MPZL1: variants seen among roughly 807,000 people sequenced by gnomAD.
MPZL1 encodes the protein myelin protein zero-like protein 1.
A neutral mutation model predicts 29.3 loss-of-function variants in MPZL1; 16 were observed. The ratio of observed to expected loss-of-function variants is 0.55; its 90% CI spans 0.37 to 0.83. The LOEUF (loss-of-function observed/expected upper bound fraction) is 0.83, where lower values mean the gene tolerates loss of function less well. Among genes scored for constraint, MPZL1 ranks in the 40% least tolerant of loss-of-function variants. MPZL1 has a pLI of 0.00. For missense variants in MPZL1, 279 were observed against 332.9 expected (o/e 0.84, Z 1.26); for synonymous variants, 143 against 132.0 (o/e 1.08, Z -0.57).
At chr1:167,762,787 T>C (rs1208450281) in intron 1 of MPZL1, among the ~76,000 whole-genome samples, 2 of 152,174 alleles carry the variant, frequency 1.3e-5, no homozygotes, top group African/African-American at 4.8e-5. Context: ...ATAAACAGAC[T>C]AGGGTTTTAG....
Position 167,787,124 on chromosome 1 carries a change from CT to C in MPZL1, c.709-693del, listed in dbSNP as rs1458712287. 4 of 152,120 alleles carry C rather than the reference CT, an allele frequency of 2.6e-5. No homozygotes were observed. The East Asian group carries it at 7.7e-4, about 29-fold the overall frequency. 9.4% of individuals were successfully genotyped at this position (152,120 alleles called of 1,614,324 possible). A position where few individuals can be genotyped will look rare whatever the true frequency, so the allele number is the denominator to read the frequency against. On this transcript the variant is annotated intron_variant, in intron 5 of 5. Coordinates refer to ENST00000359523, the MANE Select transcript of MPZL1 (RefSeq NM_003953.6). Reference sequence around the variant, plus strand: ...CTACTTTACTCCATTTAGGGTTTTTCTTTATATCTGTGTAGATTGTGGCTTT... The same window carrying C: ...CTACTTTACTCCATTTAGGGTTTTTCTTATATCTGTGTAGATTGTGGCTTT...
At chr1:167,733,042 C>G (rs1419690090) in intron 1 of MPZL1, among the ~76,000 whole-genome samples, 7 of 152,166 alleles carry the variant, frequency 4.6e-5, no homozygotes, top group Non-Finnish European at 1.0e-4. Context: ...TTGAAGGGTC[C>G]TGACTTTCTG....
In MPZL1 at chr1:167,791,204, C is replaced by G. The variant is rs1454575275; in HGVS notation, c.*3283C>G. On this transcript the variant is annotated 3_prime_UTR_variant, in exon 6 of 6. Coordinates refer to ENST00000359523, the MANE Select transcript of MPZL1 (RefSeq NM_003953.6). ...CATTAGAACATAGTTAACAAGAGAC[C>G]AGAACCTTGCTGTTTTGTTCACTGC... 1 of 152,212 alleles carries G rather than the reference C, an allele frequency of 6.6e-6. No homozygotes were observed. The highest frequency in any genetic ancestry group is 1.5e-5 in the Non-Finnish European group (1 of 68,070). 9.4% of individuals were successfully genotyped at this position (152,212 alleles called of 1,614,324 possible).
chr1:167,728,509 A>G (rs1002649089), intron 1 of MPZL1, among the ~76,000 whole-genome samples: 8 of 151,764 alleles, frequency 5.3e-5, no homozygotes, highest in Non-Finnish European at 8.8e-5. Context: ...TGCCCAACCT[A>G]TTCATTGTCT....
rs748059813 is a variant in MPZL1 at position 167,772,378 on chromosome 1, A to G, written c.362A>G (p.Asn121Ser). 6.2e-7 allele frequency: 1 copy of G among 1,613,994 alleles called. No homozygotes were observed. Among genetic ancestry groups the G allele is most frequent in the Non-Finnish European group, 8.5e-7 (1 of 1,179,858 alleles). Residue 121 changes from asparagine to serine, a missense_variant, in exon 3 of 6, where the codon AAC (asparagine) becomes AGC (serine). Physicochemically the swap from Asn to Ser is conservative, Grantham distance 46 (BLOSUM62 1). Transcript: ENST00000359523. Reference protein sequence around the residue: ...GDLDKKDASINIENMQFIHNG... With the variant: ...GDLDKKDASISIENMQFIHNG... The stretch of plus-strand genomic sequence containing the variant: ...CTTGACAAGAAAGATGCATCAATCA[A>G]CATAGAAAATATGCAGTTTATACAC...
In MPZL1 at chr1:167,738,811, G is replaced by A. The variant is rs184462959; in HGVS notation, c.91+16569G>A. 1.2e-3 allele frequency among the ~76,000 whole-genome samples: 189 copies of A among 152,234 alleles called. 1 individual carries two copies. The highest frequency in any genetic ancestry group is 2.1e-4 in the Non-Finnish European group (14 of 68,012). ...GTTTCCTGAGGCCTCCCCAGAAGCC[G>A]AGCAAATGCCAGCATCATGCTTCCT... is the stretch of plus-strand genomic sequence containing the variant. On this transcript the variant is annotated intron_variant, in intron 1 of 5. Coordinates refer to ENST00000359523, the MANE Select transcript of MPZL1 (RefSeq NM_003953.6).
In MPZL1 at chr1:167,730,022, A is replaced by G. The variant is rs539111395; in HGVS notation, c.91+7780A>G. 1.3e-4 allele frequency among the ~76,000 whole-genome samples: 20 copies of G among 152,290 alleles called. No individual in the cohort carries two copies. The East Asian group carries it at 3.9e-3, about 29-fold the overall frequency. ...AATTTTTTCTTCAAAGTCTCTAAAC[A>G]TTTTGGGGAAGATTCTGGAATGTCT... On this transcript the variant is annotated intron_variant, in intron 1 of 5. Transcript: ENST00000359523.
intron 1 of MPZL1, among the ~76,000 whole-genome samples, chr1:167,741,773 C>T (rs1220247624): frequency 6.6e-6 from 1 of 152,046 alleles, no homozygotes; most frequent in Non-Finnish European, 1.5e-5. Context: ...TGGCTCATGC[C>T]GATAATCCCA....
In MPZL1 at chr1:167,788,006, C is replaced by A; in HGVS notation, c.*85C>A. ...AAATGTAGCCCATTACCACATGTAG[C>A]CTTGGAGACCCAGGCAAGGACAAGT... On this transcript the variant is annotated 3_prime_UTR_variant, in exon 6 of 6. Transcript: ENST00000359523. The A allele has an allele frequency of 9.2e-7, 1 of 1,087,406 alleles. No homozygotes were observed. The highest frequency in any genetic ancestry group is 1.4e-6 in the Non-Finnish European group (1 of 714,466). 67.4% of individuals were successfully genotyped at this position (1,087,406 alleles called of 1,614,324 possible).
rs1002710129 is a variant in MPZL1 at position 167,790,366 on chromosome 1, C to T, written c.*2445C>T. The T allele has an allele frequency of 6.6e-6, 1 of 152,280 alleles. No individual in the cohort carries two copies. The highest frequency in any genetic ancestry group is 2.4e-5 in the African/African-American group (1 of 41,454). The allele number at this position is 152,280 out of a possible 1,614,324, so 9.4% of individuals were successfully genotyped here. On this transcript the variant is annotated 3_prime_UTR_variant, in exon 6 of 6. Transcript: ENST00000359523. ...TGGCATTCTGGCAGAGAATCCTCAC[C>T]AGTTCTCACCAACCTTCCCCCCAGG...
intron 1 of MPZL1, among the ~76,000 whole-genome samples, chr1:167,734,993 G>C (rs1182057567): frequency 2.0e-5 from 3 of 152,176 alleles, no homozygotes; most frequent in African/African-American, 7.2e-5. Context: ...TGCTGTAGTT[G>C]AGTCATTTGC....
chr1:167,744,551 G>A (rs554128240), intron 1 of MPZL1, among the ~76,000 whole-genome samples: 5 of 151,858 alleles, frequency 3.3e-5, no homozygotes, highest in Non-Finnish European at 5.9e-5. Context: ...GGCCATGGTC[G>A]TGTGCGTCTA....
At chr1:167,724,671 G>T (rs1660105160) in intron 1 of MPZL1, among the ~76,000 whole-genome samples, 2 of 152,216 alleles carry the variant, frequency 1.3e-5, no homozygotes, top group Non-Finnish European at 1.5e-5. Flanking sequence ...GGAAGAAGAT[G>T]ATGGAGATAC....
intron 1 of MPZL1, among the ~76,000 whole-genome samples, chr1:167,764,160 A>G (rs1661059525): frequency 6.6e-6 from 1 of 152,240 alleles, no homozygotes; most frequent in Non-Finnish European, 1.5e-5. Context: ...GGGTATTTTT[A>G]AGTTACCAAT....
At chr1:167,771,541 T>A (rs1661248161) in intron 2 of MPZL1, among the ~76,000 whole-genome samples, 1 of 152,204 alleles carries the variant, frequency 6.6e-6, no homozygotes, top group African/African-American at 2.4e-5. Context: ...GCAGAAAGGC[T>A]GTCACTTCAC....
chr1:167,737,844 G>T (rs1415316991), intron 1 of MPZL1, among the ~76,000 whole-genome samples: 7 of 152,202 alleles, frequency 4.6e-5, no homozygotes, highest in African/African-American at 1.7e-4. Flanking sequence ...TGGATGGAGA[G>T]CCTGTCATTT....
At chr1:167,768,983 T>C (rs961946705) in intron 2 of MPZL1, among the ~76,000 whole-genome samples, 3 of 152,212 alleles carry the variant, frequency 2.0e-5, no homozygotes, top group Non-Finnish European at 4.4e-5. Flanking sequence ...TTTGAACAGA[T>C]AAGACATGAT....
intron 1 of MPZL1, among the ~76,000 whole-genome samples, chr1:167,761,737 T>C (rs1465449673): frequency 6.6e-6 from 1 of 152,044 alleles, no homozygotes; most frequent in African/African-American, 2.4e-5. Flanking sequence ...AAGGCGAAAA[T>C]AGTCAGTGGG....
At chr1:167,723,738 G>A (rs565614601) in intron 1 of MPZL1, among the ~76,000 whole-genome samples, 12 of 152,286 alleles carry the variant, frequency 7.9e-5, no homozygotes, top group African/African-American at 2.6e-4. Context: ...CAACTTGGAC[G>A]TAACTCTTCA....
Sources: allele counts gnomAD v4.1 joint callset (sites outside exome capture counted in the v4.1 genomes callset), GRCh38; gene constraint gnomAD v4.1.1; transcripts MANE v1.5; gene names NCBI Gene and HGNC (gene_info 2026-07-23, HGNC 2026-07-21).